ZNF805: variants seen among roughly 807,000 people sequenced by gnomAD.
The protein encoded by ZNF805 is CTC-444N24.8.
A neutral mutation model predicts 13.6 loss-of-function variants in ZNF805; 7 were observed. That is an observed-to-expected ratio of 0.51 (90% CI 0.29 to 0.97). The LOEUF is 0.97. Ranked by LOEUF, ZNF805 falls within the 50% of genes least tolerant of loss-of-function variation. ZNF805 has a pLI of 0.08. For missense variants in ZNF805, 604 were observed against 771.0 expected, an observed-to-expected ratio of 0.78 and a Z score of 2.57; for synonymous variants, 293 against 279.8, an observed-to-expected ratio of 1.05 and a Z score of -0.47.
At position 57,254,161 on chromosome 19, in the gene ZNF805, G is replaced by A; in HGVS notation, c.1342G>A (p.Ala448Thr). The change falls in exon 4 of 4, where the codon GCC (alanine) becomes ACC (threonine). Residue 448 changes from alanine to threonine, a missense_variant. Ala to Thr is a moderately conservative substitution (Grantham distance 58). This residue lies in a region of ZNF805 where 228 missense variants were observed against 352.8 expected (regional missense o/e 0.65). Transcript: ENST00000414468. ...HCSTFILHKR[A>T]HTGEKPFECK... ...CTCTACTTTCATCTTGCATAAAAGG[G>A]CCCACACTGGAGAAAAACCTTTCGA... 1.9e-6 allele frequency: 3 copies of A among 1,612,796 alleles called. No homozygotes were observed. The highest frequency in any genetic ancestry group is 2.5e-6 in the Non-Finnish European group (3 of 1,179,730).
At chr19:57,244,394 A>G (rs2087598897) in intron 2 of ZNF805, among the ~76,000 whole-genome samples, 1 of 151,606 alleles carries the variant, frequency 6.6e-6, no homozygotes. Flanking sequence ...TATTTTCAGT[A>G]GAGATGGGGT....
In ZNF805 at chr19:57,255,217, AC is replaced by A. The variant is rs2087680687; in HGVS notation, c.*515del. 1 of 167,180 alleles carries A rather than the reference AC, an allele frequency of 6.0e-6. No individual in the cohort carries two copies. The highest frequency in any genetic ancestry group is 1.9e-4 in the East Asian group (1 of 5,208). 10.4% of individuals were successfully genotyped at this position (167,180 alleles called of 1,614,324 possible). Reference sequence around the variant, plus strand: ...TTTTTAATGGGTTTTAAACACTAACACTGAGAATTTTTCTTGATTCCCATCT... The same window carrying A: ...TTTTTAATGGGTTTTAAACACTAACATGAGAATTTTTCTTGATTCCCATCT... On this transcript the variant is annotated 3_prime_UTR_variant, in exon 4 of 4. Transcript: ENST00000414468.
At chr19:57,245,251 C>T (rs1470953016) in intron 2 of ZNF805, among the ~76,000 whole-genome samples, 2 of 152,194 alleles carry the variant, frequency 1.3e-5, no homozygotes, top group African/African-American at 2.4e-5. Flanking sequence ...TTGCTGTTCT[C>T]TTTGATGAGT....
At chr19:57,245,543 G>A (rs983948262) in intron 2 of ZNF805, among the ~76,000 whole-genome samples, 5 of 151,536 alleles carry the variant, frequency 3.3e-5, no homozygotes, top group Admixed American at 1.3e-4. Flanking sequence ...ACTTTGGGAG[G>A]CCGAGATGGG....
chr19:57,261,412 C>A lies in ZNF805; in HGVS notation c.*6709C>A, dbSNP rs2087723244. The A allele has an allele frequency of 6.0e-6, 1 of 166,936 alleles. No homozygotes were observed. The highest frequency in any genetic ancestry group is 2.4e-5 in the African/African-American group (1 of 41,394). 10.3% of individuals were successfully genotyped at this position (166,936 alleles called of 1,614,324 possible). On this transcript the variant is annotated 3_prime_UTR_variant, in exon 4 of 4. Coordinates refer to ENST00000414468, the MANE Select transcript of ZNF805 (RefSeq NM_001023563.4). ...GATGCCTGAAGAACATCAGTGTATC[C>A]CCCTAATTTCTGTCATGTTACTCAA...
In ZNF805 at chr19:57,257,616, C is replaced by T. The variant is rs2087695462; in HGVS notation, c.*2913C>T. 1.3e-5 allele frequency among the ~76,000 whole-genome samples: 2 copies of T among 151,060 alleles called. No individual in the cohort carries two copies. Among genetic ancestry groups the T allele is most frequent in the South Asian group, 4.2e-4 (2 of 4,782 alleles). ...TTTACACTTCATCATTTTTTTAAAC[C>T]TTATCTATATCACTATATTGGGAGT... On this transcript the variant is annotated 3_prime_UTR_variant, in exon 4 of 4. Transcript: ENST00000414468.
Position 57,254,184 on chromosome 19 carries a change from C to T in ZNF805, c.1365C>T (p.Phe455=), listed in dbSNP as rs552953230. The stretch of plus-strand genomic sequence containing the variant: ...GGGCCCACACTGGAGAAAAACCTTT[C>T]GAGTGCAAAGAGTGTGGGAAAGCCT... ...HKRAHTGEKP[F]ECKECGKAFS... is the part of the protein sequence containing the mutation. Residue 455 remains phenylalanine (F), a synonymous_variant, in exon 4 of 4, where the codon TTC becomes TTT. Coordinates refer to ENST00000414468, the MANE Select transcript of ZNF805 (RefSeq NM_001023563.4). 2.8e-5 allele frequency: 45 copies of T among 1,613,318 alleles called. No individual in the cohort carries two copies. The highest frequency in any genetic ancestry group is 8.9e-5 in the East Asian group (4 of 44,842).
At chr19:57,251,411 C>A (rs950786997) in intron 3 of ZNF805, among the ~76,000 whole-genome samples, 6 of 152,078 alleles carry the variant, frequency 3.9e-5, no homozygotes, top group African/African-American at 1.4e-4. Flanking sequence ...CTGAGCCAAT[C>A]TATATTTTCT....
rs752034734 is a variant in ZNF805 at position 57,243,904 on chromosome 19, C to T, written c.31-19C>T. 34 of 1,614,154 alleles carry T rather than the reference C, an allele frequency of 2.1e-5. No individual in the cohort carries two copies. In the African/African-American group the frequency reaches 3.3e-4, roughly 16 times the overall value. On this transcript the variant is annotated intron_variant, in intron 1 of 3. Coordinates refer to ENST00000414468, the MANE Select transcript of ZNF805 (RefSeq NM_001023563.4). ...AATAGTCCCACAGCAAACTCTACTA[C>T]CTCTATTTGACATTTCAGGTGTCTG...
chr19:57,253,499 G>T lies in ZNF805; in HGVS notation c.680G>T (p.Gly227Val). The T allele has an allele frequency of 6.2e-7, 1 of 1,608,800 alleles. No individual in the cohort carries two copies. Among genetic ancestry groups the T allele is most frequent in the Non-Finnish European group, 8.5e-7 (1 of 1,177,254 alleles). The change falls in exon 4 of 4, where the codon GGA becomes GTA. Residue 227 changes from glycine to valine, a missense_variant. Around this residue, in one of 3 missense-constraint regions of ZNF805, gnomAD observed 327 missense variants for 378.2 expected, o/e 0.86. Transcript: ENST00000414468. The surrounding 1 kb of genome is among the most constrained non-coding windows in gnomAD (Gnocchi z 4.4). The part of the protein sequence containing the change: ...LLARHERIHS[G>V]VKPYECTECG... ...GCTCGGCATGAGAGGATTCACTCTG[G>T]AGTGAAGCCCTATGAATGCACAGAG... is the stretch of plus-strand genomic sequence containing the variant.
chr19:57,253,806 T>C lies in ZNF805; in HGVS notation c.987T>C (p.Gly329=), dbSNP rs751734853. The part of the protein sequence containing the change: ...ECGKAFRDRP[G]FIRHYIIHSG... ...GCAAAGCCTTTCGAGATAGGCCAGG[T>C]TTCATTCGACACTACATCATCCACA... The change falls in exon 4 of 4, where the codon GGT becomes GGC. Residue 329 remains glycine, a synonymous_variant. Transcript: ENST00000414468. This position sits in a 1 kb window ranked among gnomAD's most constrained non-coding sequence, Gnocchi z 4.4. The C allele has an allele frequency of 4.3e-6, 7 of 1,613,084 alleles. No homozygotes were observed. In the African/African-American group the frequency reaches 9.4e-5, roughly 22 times the overall value.
chr19:57,245,639 C>A lies in ZNF805; in HGVS notation c.157+1590C>A, dbSNP rs565871931. Among the ~76,000 whole-genome samples, 7 of 149,932 alleles carry A rather than the reference C, an allele frequency of 4.7e-5. No homozygotes were observed. In the East Asian group the frequency reaches 7.9e-4, roughly 17 times the overall value. ...CTAAAAATACAAAAAATTAGCCGGG[C>A]GTGGTGGCGGGTGCCTGTAGTCCCA... is the stretch of plus-strand genomic sequence containing the variant. On this transcript the variant is annotated intron_variant, in intron 2 of 3. Coordinates refer to ENST00000414468, the MANE Select transcript of ZNF805 (RefSeq NM_001023563.4).
intron 2 of ZNF805, 150 bp downstream of exon 2, chr19:57,244,199 C>CT (rs1200854107): frequency 0.36 from 104,857 of 289,146 alleles, 18,737 homozygotes; most frequent in African/African-American, 0.6. Flanking sequence ...TCACCTCTTC[C>CT]TTTTTTTTTT....
chr19:57,241,536 C>A (rs1180591234), intron 1 of ZNF805, among the ~76,000 whole-genome samples: 2 of 152,284 alleles, frequency 1.3e-5, no homozygotes, highest in Non-Finnish European at 1.5e-5. Flanking sequence ...CCGTCACACA[C>A]ATCATCCGAA....
At chr19:57,244,226 G>T (rs2087597522) in intron 2 of ZNF805, among the ~76,000 whole-genome samples, 177 bp downstream of exon 2, 1 of 105,390 alleles carries the variant, frequency 9.5e-6, no homozygotes. Context: ...TTTTTTGAGA[G>T]GGAGTCTTAC....
In ZNF805 at chr19:57,253,260, G is replaced by A; in HGVS notation, c.441G>A (p.Lys147=). 1.3e-6 allele frequency: 2 copies of A among 1,557,282 alleles called. No homozygotes were observed. Among genetic ancestry groups the A allele is most frequent in the African/African-American group, 1.4e-5 (1 of 73,240 alleles). Reference sequence around the variant, plus strand: ...TGAGACCAGGGTTAGATTCCCAAAAGGAGAAGCTTCCTGGAAAAATGAGCC... The same window carrying A: ...TGAGACCAGGGTTAGATTCCCAAAAAGAGAAGCTTCCTGGAAAAATGAGCC... The part of the protein sequence containing the change: ...ERLRPGLDSQ[K]EKLPGKMSPK... Residue 147 remains lysine, a synonymous_variant, in exon 4 of 4, where the codon AAG becomes AAA. Coordinates refer to ENST00000414468, the MANE Select transcript of ZNF805 (RefSeq NM_001023563.4). The surrounding 1 kb of genome is among the most constrained non-coding windows in gnomAD (Gnocchi z 4.4).
intron 2 of ZNF805, among the ~76,000 whole-genome samples, chr19:57,245,725 G>A (rs1294797061): frequency 1.3e-5 from 2 of 151,720 alleles, no homozygotes; most frequent in East Asian, 1.9e-4. Context: ...CTTGCAGTGA[G>A]CTGAGATTGC....
intron 3 of ZNF805, among the ~76,000 whole-genome samples, chr19:57,249,251 C>G (rs143098037): frequency 6.6e-6 from 1 of 152,116 alleles, no homozygotes; most frequent in South Asian, 2.1e-4. Context: ...TCACATCTCA[C>G]CCATGGGAAC....
chr19:57,245,646 G>A (rs1176056075), intron 2 of ZNF805, among the ~76,000 whole-genome samples: 4 of 150,340 alleles, frequency 2.7e-5, no homozygotes, highest in African/African-American at 7.4e-5. Flanking sequence ...GGGCGTGGTG[G>A]CGGGTGCCTG....
Sources: gnomAD v4.1 joint callset for allele counts (sites outside exome capture counted in the v4.1 genomes callset) on GRCh38, gnomAD v4.1.1 for gene constraint, gnomAD v4.1.1 regional missense constraint, Gnocchi (gnomAD v3.1) non-coding constraint, MANE v1.5 for transcripts, NCBI Gene and HGNC (gene_info 2026-07-23, HGNC 2026-07-21) for gene names.